The following AGBL4 variants were observed in gnomAD, a reference collection of about 807,000 sequenced individuals.
The protein encoded by AGBL4 is AGBL carboxypeptidase 4.
In AGBL4, 58 loss-of-function variants were observed where a neutral mutation model predicts 66.4. That is an observed-to-expected ratio of 0.87 (90% CI 0.71 to 1.09). The LOEUF (loss-of-function observed/expected upper bound fraction) is 1.09, where lower values mean the gene tolerates loss of function less well. Ranked by LOEUF, AGBL4 falls within the 50% of genes least tolerant of loss-of-function variation. AGBL4 has a pLI of 0.00. For synonymous variants in AGBL4, 234 were observed against 222.9 expected (o/e 1.05, Z -0.44); for missense variants, 579 against 631.0 (o/e 0.92, Z 0.88).
intron 3 of AGBL4, among the ~76,000 whole-genome samples, chr1:49,630,305 C>T (rs1027822062): frequency 2.6e-5 from 4 of 152,118 alleles, no homozygotes; most frequent in Non-Finnish European, 5.9e-5. Context: ...ATCATGAATA[C>T]ATTTTATATT....
chr1:49,965,338 C>T (rs1279384029), intron 1 of AGBL4, among the ~76,000 whole-genome samples: 1 of 152,186 alleles, frequency 6.6e-6, no homozygotes, highest in African/African-American at 2.4e-5. Flanking sequence ...AAAATGGCCA[C>T]TCAAGCCCTG....
At chr1:49,075,335 G>T (rs756136248) in intron 4 of AGBL4, among the ~76,000 whole-genome samples, 2 of 152,160 alleles carry the variant, frequency 1.3e-5, no homozygotes, top group African/African-American at 2.4e-5. Flanking sequence ...ACACTCATTA[G>T]AGGTAGGCTT....
intron 5 of AGBL4, among the ~76,000 whole-genome samples, chr1:49,003,346 C>T (rs570757645): frequency 2.0e-5 from 3 of 151,914 alleles, no homozygotes; most frequent in Non-Finnish European, 2.9e-5. Flanking sequence ...TGTAGTGAGC[C>T]GAGATCACGC....
chr1:49,996,803 C>T (rs1043388083), intron 1 of AGBL4, among the ~76,000 whole-genome samples: 4 of 152,122 alleles, frequency 2.6e-5, no homozygotes. Context: ...ATATTAACAG[C>T]TATGAGGCAA....
intron 5 of AGBL4, among the ~76,000 whole-genome samples, chr1:49,008,142 CAG>C (rs1275412103): frequency 1.3e-5 from 2 of 151,790 alleles, no homozygotes; most frequent in Non-Finnish European, 2.9e-5. Flanking sequence ...ATCTCACGTG[CAG>C]AGACACACAT....
chr1:49,912,349 G>T lies in AGBL4; in HGVS notation c.35-60831C>A, dbSNP rs570255838. On this transcript the variant is annotated intron_variant, in intron 1 of 13. Transcript: ENST00000371839. ...TGGGGAGCTATCCCATCTGTGATCT[G>T]ATGGTTACTGTAAGAAAAAGTATCT... Among the ~76,000 whole-genome samples the T allele has an allele frequency of 1.6e-4, 25 of 152,332 alleles. No individual in the cohort carries two copies. In the South Asian group the frequency reaches 5.0e-3, roughly 30 times the overall value.
intron 4 of AGBL4, among the ~76,000 whole-genome samples, chr1:49,140,942 C>A (rs1249601569): frequency 6.6e-6 from 1 of 152,128 alleles, no homozygotes; most frequent in African/African-American, 2.4e-5. Flanking sequence ...AATATCTGTA[C>A]TCCTTCTTGG....
intron 4 of AGBL4, among the ~76,000 whole-genome samples, chr1:49,136,310 A>T (rs1051062898): frequency 2.6e-5 from 4 of 152,234 alleles, no homozygotes; most frequent in Non-Finnish European, 4.4e-5. Flanking sequence ...TGGGACAATT[A>T]TCCTGAAAAC....
At chr1:49,197,131 A>AC (rs1469206131) in intron 4 of AGBL4, among the ~76,000 whole-genome samples, 5 of 152,080 alleles carry the variant, frequency 3.3e-5, no homozygotes, top group Non-Finnish European at 2.9e-5. Flanking sequence ...GCCTGGCCCG[A>AC]TGTATGTTGG....
chr1:49,304,337 A>C (rs1046934742), intron 3 of AGBL4, among the ~76,000 whole-genome samples: 1 of 152,156 alleles, frequency 6.6e-6, no homozygotes, highest in African/African-American at 2.4e-5. Context: ...TGACACATGC[A>C]CTTTTTTAAC....
chr1:49,211,931 C>T (rs1398213308), intron 4 of AGBL4, among the ~76,000 whole-genome samples: 1 of 152,080 alleles, frequency 6.6e-6, no homozygotes, highest in African/African-American at 2.4e-5. Flanking sequence ...ACTATTGTGT[C>T]AGGCCATGAA....
chr1:48,624,680 C>A (rs1212050597), intron 9 of AGBL4, among the ~76,000 whole-genome samples: 2 of 152,172 alleles, frequency 1.3e-5, no homozygotes, highest in African/African-American at 4.8e-5. Context: ...AAGGTAGATC[C>A]TTTGCACTGG....
intron 1 of AGBL4, among the ~76,000 whole-genome samples, chr1:49,860,355 CA>C (rs1646537737): frequency 6.6e-6 from 1 of 152,146 alleles, no homozygotes; most frequent in Admixed American, 6.5e-5. Flanking sequence ...AATAAAAGTG[CA>C]AAGGCAATTC....
At chr1:48,957,387 G>A (rs548701960) in intron 5 of AGBL4, among the ~76,000 whole-genome samples, 25 of 152,240 alleles carry the variant, frequency 1.6e-4, no homozygotes, top group Middle Eastern at 3.4e-3. Flanking sequence ...TGATCATAAG[G>A]TTTACAAATT....
chr1:49,292,304 T>A (rs890599464), intron 3 of AGBL4, among the ~76,000 whole-genome samples: 2 of 152,146 alleles, frequency 1.3e-5, no homozygotes, highest in Non-Finnish European at 2.9e-5. Context: ...AAAGCCTGGA[T>A]GTCATGAACA....
At chr1:48,628,041 A>G (rs1645533747) in intron 9 of AGBL4, among the ~76,000 whole-genome samples, 1 of 152,226 alleles carries the variant, frequency 6.6e-6, no homozygotes, top group African/African-American at 2.4e-5. Context: ...TTTCTAAAGC[A>G]TGCATTGTTT....
intron 11 of AGBL4, 114 bp downstream of exon 11, chr1:48,586,890 C>T: frequency 7.2e-7 from 1 of 1,379,472 alleles, no homozygotes; most frequent in Non-Finnish European, 1.0e-6. Context: ...CCTCCATCCT[C>T]ACCTGAGAGT....
chr1:49,073,254 G>T, intron 4 of AGBL4, among the ~76,000 whole-genome samples: 1 of 152,094 alleles, frequency 6.6e-6, no homozygotes, highest in East Asian at 1.9e-4. Context: ...CTATGAGTTT[G>T]TCAAACTCAT....
At chr1:48,647,574 C>T (rs766206163) in intron 8 of AGBL4, 13 of 448,954 alleles carry the variant, frequency 2.9e-5, no homozygotes, top group East Asian at 1.4e-4. Context: ...TTTACTTATA[C>T]GTGGCTCTAT....
Sources: gnomAD v4.1 joint callset for allele counts (sites outside exome capture counted in the v4.1 genomes callset) on GRCh38, gnomAD v4.1.1 for gene constraint, MANE v1.5 for transcripts, NCBI Gene and HGNC (gene_info 2026-07-23, HGNC 2026-07-21) for gene names.